Variants in USP34 observed in about 807,000 individuals in gnomAD.
USP34 encodes ubiquitin specific peptidase 34, also known as ubiquitin carboxyl-terminal hydrolase 34.
Under a neutral mutation model 460.3 loss-of-function variants are expected in USP34, and 70 were observed. That is an observed-to-expected ratio of 0.15 (90% CI 0.13 to 0.19). USP34 has a LOEUF of 0.19. USP34 is among the 10% of genes least tolerant of loss of function. USP34 has a pLI of 1.00. For synonymous variants in USP34, 1,647 were observed against 1,405.3 expected (o/e 1.17, Z -3.85); for missense variants, 3,985 against 4,236.2 (o/e 0.94, Z 1.65).
At chr2:61,245,867 A>G (rs927942146) in intron 50 of USP34, among the ~76,000 whole-genome samples, 11 of 152,184 alleles carry the variant, frequency 7.2e-5, no homozygotes, top group Non-Finnish European at 1.3e-4. Context: ...CTGAAGACCA[A>G]AAAACAGGTA....
intron 34 of USP34, 60 bp from the exon 35 acceptor site, chr2:61,285,017 A>G: frequency 4.3e-6 from 6 of 1,384,514 alleles, no homozygotes; most frequent in Non-Finnish European, 6.0e-6. Context: ...ACCCTCAAAA[A>G]GCACTCAAGA....
At chr2:61,435,859 T>C (rs1397266879) in intron 1 of USP34, among the ~76,000 whole-genome samples, 1 of 151,884 alleles carries the variant, frequency 6.6e-6, no homozygotes, top group South Asian at 2.1e-4. Flanking sequence ...TAAAACCTCA[T>C]CTCTACTAAA....
chr2:61,223,369 C>G, intron 62 of USP34, 73 bp from the exon 63 acceptor site: 1 of 1,426,336 alleles, frequency 7.0e-7, no homozygotes, highest in Non-Finnish European at 9.6e-7. Context: ...CAACATGTAT[C>G]AAAAATTGTT....
At chr2:61,452,416 C>T (rs1338216052) in intron 1 of USP34, among the ~76,000 whole-genome samples, 3 of 149,160 alleles carry the variant, frequency 2.0e-5, no homozygotes, top group Non-Finnish European at 4.4e-5. Context: ...CCTCGACCTC[C>T]GGGGTTCAAG....
intron 23 of USP34, among the ~76,000 whole-genome samples, chr2:61,316,928 C>T (rs778378807): frequency 2.0e-5 from 3 of 152,046 alleles, no homozygotes; most frequent in Non-Finnish European, 2.9e-5. Context: ...AATTCTTTTT[C>T]CTTTTTAAAA....
intron 5 of USP34, among the ~76,000 whole-genome samples, chr2:61,386,761 G>C (rs916561173): frequency 6.6e-6 from 1 of 152,046 alleles, no homozygotes; most frequent in Admixed American, 6.6e-5. Context: ...CTGCACTCCA[G>C]CCTGGCAACA....
At chr2:61,268,438 T>TAAAAAAAAAAAA (rs35618230) in intron 41 of USP34, among the ~76,000 whole-genome samples, 1 of 53,376 alleles carries the variant, frequency 1.9e-5, no homozygotes, top group Non-Finnish European at 3.3e-5. Context: ...GAGCTGTTGT[T>TAAAAAAAAAAAA]AAAAAAAAAA....
intron 27 of USP34, among the ~76,000 whole-genome samples, chr2:61,309,114 G>T (rs764174767): frequency 3.3e-5 from 5 of 152,130 alleles, no homozygotes; most frequent in Non-Finnish European, 5.9e-5. Context: ...CAACAGCAAT[G>T]ATGAAAGCAA....
intron 10 of USP34, among the ~76,000 whole-genome samples, chr2:61,357,359 G>A (rs1227884262): frequency 1.3e-5 from 2 of 151,638 alleles, no homozygotes; most frequent in African/African-American, 4.9e-5. Context: ...AAATCACAAG[G>A]GAAATTAGAA....
rs746080637 is a variant in USP34, at chr2:61,325,466, TAA to T, written c.2931-11_2931-10del. 6.8e-7 allele frequency: 1 copy of T among 1,478,248 alleles called. No individual in the cohort carries two copies. The highest frequency in any genetic ancestry group is 9.0e-7 in the Non-Finnish European group (1 of 1,110,654). The allele number at this position is 1,478,248 out of a possible 1,614,324, so 91.6% of individuals were successfully genotyped here. A position where few individuals can be genotyped will look rare whatever the true frequency, so the allele number is the denominator to read the frequency against. On this transcript the variant is annotated splice_polypyrimidine_tract_variant and intron_variant, in intron 20 of 79. Coordinates refer to ENST00000398571, the MANE Select transcript of USP34 (RefSeq NM_014709.4). ...CAGCACTATGGCTGTACCTATAATT[TAA>T]AAGTCATTAAAATAATTAAATATCC...
At chr2:61,332,755 T>C (rs1355012229) in intron 19 of USP34, among the ~76,000 whole-genome samples, 1 of 151,990 alleles carries the variant, frequency 6.6e-6, no homozygotes, top group Non-Finnish European at 1.5e-5. Flanking sequence ...GGACCTTCCT[T>C]GCAAAAACAG....
intron 43 of USP34, among the ~76,000 whole-genome samples, chr2:61,260,808 A>T (rs1179855652): frequency 6.6e-6 from 1 of 152,216 alleles, no homozygotes; most frequent in East Asian, 1.9e-4. Flanking sequence ...AAGTTCAGGA[A>T]TAAAGACCTG....
At chr2:61,366,937 T>C (rs1443777388) in intron 10 of USP34, among the ~76,000 whole-genome samples, 1 of 152,056 alleles carries the variant, frequency 6.6e-6, no homozygotes, top group Non-Finnish European at 1.5e-5. Flanking sequence ...TAGTCCCAGC[T>C]ACTTAGGAGG....
chr2:61,206,927 T>C (rs774713194), intron 70 of USP34, 41 bp from the exon 71 acceptor site: 7 of 1,598,264 alleles, frequency 4.4e-6, no homozygotes, highest in Non-Finnish European at 6.0e-6. Context: ...AATTTCATTT[T>C]TGCTTACTGA....
chr2:61,318,951 G>C (rs1345710248), intron 22 of USP34, among the ~76,000 whole-genome samples: 1 of 152,008 alleles, frequency 6.6e-6, no homozygotes, highest in African/African-American at 2.4e-5. Flanking sequence ...GTAGCTAATA[G>C]AACATTTTTA....
At chr2:61,421,532 G>A (rs1694356687) in intron 1 of USP34, among the ~76,000 whole-genome samples, 1 of 152,068 alleles carries the variant, frequency 6.6e-6, no homozygotes, top group Non-Finnish European at 1.5e-5. Context: ...GAAAACATAA[G>A]GGTCTTTGAA....
intron 67 of USP34, among the ~76,000 whole-genome samples, chr2:61,217,642 A>C (rs532311878): frequency 1.9e-4 from 29 of 152,350 alleles, no homozygotes; most frequent in African/African-American, 6.3e-4. Context: ...AGAATCGCTA[A>C]AACAGTATTA....
chr2:61,379,692 A>AC (rs1169744957), intron 7 of USP34, among the ~76,000 whole-genome samples: 3 of 152,208 alleles, frequency 2.0e-5, no homozygotes, highest in African/African-American at 7.2e-5. Context: ...CCTTCTTCCA[A>AC]CCCCCTCACC....
chr2:61,379,699 C>A (rs572898139), intron 7 of USP34, among the ~76,000 whole-genome samples: 67 of 152,334 alleles, frequency 4.4e-4, no homozygotes, highest in African/African-American at 1.6e-3. Context: ...CCAACCCCCT[C>A]ACCAAGAGAA....
Sources: gnomAD v4.1 joint callset for allele counts (sites outside exome capture counted in the v4.1 genomes callset) on GRCh38, gnomAD v4.1.1 for gene constraint, MANE v1.5 for transcripts, NCBI Gene and HGNC (gene_info 2026-07-23, HGNC 2026-07-21) for gene names.